The following XXYLT1 variants were observed in gnomAD, a reference collection of about 807,000 sequenced individuals.
XXYLT1 encodes xyloside xylosyltransferase 1.
XXYLT1 carries 20 observed loss-of-function variants against 28.9 expected under a neutral mutation model. The observed-to-expected ratio is 0.69, with a 90% CI of 0.49 to 1.00. The LOEUF (loss-of-function observed/expected upper bound fraction) is 1.00. XXYLT1 is among the 50% of genes least tolerant of loss of function. XXYLT1 has a pLI of 0.00. For missense variants in XXYLT1, 542 were observed against 560.1 expected, an observed-to-expected ratio of 0.97 and a Z score of 0.33; for synonymous variants, 257 against 253.8, an observed-to-expected ratio of 1.01 and a Z score of -0.12.
intron 2 of XXYLT1, chr3:195,175,968 C>A (rs1396103927): frequency 7.8e-7 from 1 of 1,287,272 alleles, no homozygotes; most frequent in East Asian, 3.2e-5. Context: ...TTAGTCTAGC[C>A]TTACTAACAC....
At chr3:195,212,693 G>T (rs1473810694) in intron 2 of XXYLT1, among the ~76,000 whole-genome samples, 2 of 152,170 alleles carry the variant, frequency 1.3e-5, no homozygotes, top group Non-Finnish European at 1.5e-5. Flanking sequence ...AGACTCTGAC[G>T]AATGCCTGAT....
intron 2 of XXYLT1, among the ~76,000 whole-genome samples, chr3:195,163,653 G>C (rs1043658006): frequency 4.6e-5 from 7 of 152,202 alleles, no homozygotes; most frequent in African/African-American, 1.7e-4. Flanking sequence ...ATGTGGACTG[G>C]GTTTAACTGC....
At chr3:195,160,548 A>C (rs1328299687) in intron 2 of XXYLT1, among the ~76,000 whole-genome samples, 1 of 152,210 alleles carries the variant, frequency 6.6e-6, no homozygotes, top group African/African-American at 2.4e-5. Context: ...GTCCACTTTG[A>C]AATATTGCAG....
chr3:195,221,224 T>C (rs1723809192), intron 2 of XXYLT1, among the ~76,000 whole-genome samples: 1 of 152,180 alleles, frequency 6.6e-6, no homozygotes, highest in Non-Finnish European at 1.5e-5. Flanking sequence ...GGAGAAAATT[T>C]CACAGCCACC....
At position 195,210,224 on chromosome 3, in the gene XXYLT1, G is replaced by T. The variant is rs141992995; in HGVS notation, c.652+16485C>A. Among the ~76,000 whole-genome samples the T allele has an allele frequency of 6.6e-6, 1 of 152,142 alleles. No homozygotes were observed. Among genetic ancestry groups the T allele is most frequent in the Admixed American group, 6.5e-5 (1 of 15,272 alleles). ...ACTGACAGCACCTGGTGCATTCTCC[G>T]TGCAAACAACCCCCACACCCCGCTG... On this transcript the variant is annotated intron_variant, in intron 2 of 3. Transcript: ENST00000310380. This position sits in a 1 kb window ranked among gnomAD's most constrained non-coding sequence, Gnocchi z 4.8.
At chr3:195,199,137 G>A (rs1423012329) in intron 2 of XXYLT1, among the ~76,000 whole-genome samples, 1 of 152,142 alleles carries the variant, frequency 6.6e-6, no homozygotes, top group Non-Finnish European at 1.5e-5. Flanking sequence ...AGTCAACATA[G>A]GATAGGAATG....
intron 1 of XXYLT1, among the ~76,000 whole-genome samples, chr3:195,231,296 T>C (rs535507126): frequency 1.3e-5 from 2 of 152,278 alleles, no homozygotes; most frequent in Non-Finnish European, 2.9e-5. Context: ...GTGGAGTCTT[T>C]AGGTTTTTCC....
rs1725990022 is a variant in XXYLT1, at chr3:195,270,605, T to C, written c.454A>G (p.Lys152Glu). 4.9e-5 allele frequency: 72 copies of C among 1,466,312 alleles called. No homozygotes were observed. Among genetic ancestry groups the C allele is most frequent in the Non-Finnish European group, 6.2e-5 (69 of 1,108,490 alleles). The allele number at this position is 1,466,312 out of a possible 1,614,324, so 90.8% of individuals were successfully genotyped here. The change falls in exon 1 of 4, where the codon AAG becomes GAG. Residue 152 changes from lysine to glutamate, a missense_variant. By Grantham distance (56) the Lys-to-Glu change is moderately conservative. Transcript: ENST00000310380. The part of the protein sequence containing the change: ...VSEEASREVA[K>E]GLLRELLPPA... ...GGCAGGAGCTCCCGCAGCAGGCCCT[T>C]GGCCACCTCGCGGCTGGCCTCCTCG... is the stretch of plus-strand genomic sequence containing the variant.
chr3:195,142,646 A>G (rs1051818361), intron 3 of XXYLT1, among the ~76,000 whole-genome samples: 16 of 152,266 alleles, frequency 1.1e-4, no homozygotes, highest in African/African-American at 3.9e-4. Flanking sequence ...TGGGCCATCA[A>G]AGAGGCCACT....
At chr3:195,160,823 C>T (rs1285448707) in intron 2 of XXYLT1, among the ~76,000 whole-genome samples, 1 of 152,206 alleles carries the variant, frequency 6.6e-6, no homozygotes, top group Non-Finnish European at 1.5e-5. Flanking sequence ...AGACCCAGGG[C>T]GTGTCCCCAA....
At chr3:195,227,267 A>G (rs891622418) in intron 1 of XXYLT1, among the ~76,000 whole-genome samples, 2 of 152,052 alleles carry the variant, frequency 1.3e-5, no homozygotes, top group Non-Finnish European at 2.9e-5. Flanking sequence ...CATGGCTAAC[A>G]CTGCTCCAGG....
In XXYLT1 at chr3:195,076,447, G is replaced by A. The variant is rs1715124855; in HGVS notation, c.786-6336C>T. 6.6e-6 allele frequency among the ~76,000 whole-genome samples: 1 copy of A among 152,168 alleles called. No individual in the cohort carries two copies. Among genetic ancestry groups the A allele is most frequent in the Non-Finnish European group, 1.5e-5 (1 of 68,032 alleles). ...GGTGGGAGGAGGGACAGTCGTGACA[G>A]GGCACTGGGGTGGCTACTAGACAAG... On this transcript the variant is annotated intron_variant, in intron 3 of 3. Transcript: ENST00000310380. This position sits in a 1 kb window ranked among gnomAD's most constrained non-coding sequence, Gnocchi z 5.3.
intron 2 of XXYLT1, among the ~76,000 whole-genome samples, chr3:195,224,069 T>C (rs1723944058): frequency 6.6e-6 from 1 of 152,112 alleles, no homozygotes; most frequent in African/African-American, 2.4e-5. Flanking sequence ...GGCAGGAGAC[T>C]CGCTTGAACC....
At chr3:195,167,740 G>T (rs1370862006) in intron 2 of XXYLT1, among the ~76,000 whole-genome samples, 1 of 152,020 alleles carries the variant, frequency 6.6e-6, no homozygotes, top group Non-Finnish European at 1.5e-5. Context: ...CCCACTTACG[G>T]TAGGTTGTGC....
intron 2 of XXYLT1, among the ~76,000 whole-genome samples, chr3:195,196,870 TA>T (rs56806324): frequency 0.012 from 1,735 of 145,690 alleles, 10 homozygotes; most frequent in Non-Finnish European, 0.016. Flanking sequence ...TCACTTCCTT[TA>T]AAAAAAAAAA....
At chr3:195,254,657 C>T (rs1273369397) in intron 1 of XXYLT1, among the ~76,000 whole-genome samples, 1 of 152,198 alleles carries the variant, frequency 6.6e-6, no homozygotes, top group African/African-American at 2.4e-5. Flanking sequence ...AGCAGGTGAG[C>T]CACTGAGCAG....
At chr3:195,246,443 G>C (rs1269926472) in intron 1 of XXYLT1, among the ~76,000 whole-genome samples, 3 of 152,216 alleles carry the variant, frequency 2.0e-5, no homozygotes, top group African/African-American at 7.2e-5. Context: ...CAGTGTGTCT[G>C]TCTTGTAGGT....
At chr3:195,112,587 ACACACACACGCATG>A (rs1451437242) in intron 3 of XXYLT1, among the ~76,000 whole-genome samples, 14 of 134,732 alleles carry the variant, frequency 1.0e-4, no homozygotes, top group African/African-American at 3.3e-4. Context: ...ACGCACGCAC[ACACACACACGCATG>A]CACACACACG....
intron 1 of XXYLT1, among the ~76,000 whole-genome samples, chr3:195,249,719 C>T (rs1360234613): frequency 1.3e-5 from 2 of 152,342 alleles, no homozygotes; most frequent in East Asian, 3.9e-4. Context: ...CATTAAGGGG[C>T]ACAGCTCCCA....
Sources: allele counts gnomAD v4.1 joint callset (sites outside exome capture counted in the v4.1 genomes callset), GRCh38; gene constraint gnomAD v4.1.1; non-coding constraint Gnocchi (gnomAD v3.1); transcripts MANE v1.5; gene names NCBI Gene and HGNC (gene_info 2026-07-23, HGNC 2026-07-21).